The following TCF7L1 variants were observed in gnomAD, a reference collection of about 807,000 sequenced individuals.
The protein encoded by TCF7L1 is transcription factor 7-like 1.
Under a neutral mutation model 63.7 loss-of-function variants are expected in TCF7L1, and 18 were observed. The ratio of observed to expected loss-of-function variants is 0.28; its 90% CI spans 0.20 to 0.42. The LOEUF (loss-of-function observed/expected upper bound fraction) is 0.42, where lower values mean the gene tolerates loss of function less well. TCF7L1 is among the 10% of genes least tolerant of loss of function. The probability of loss-of-function intolerance (pLI) is 1.00; values close to 1 mark genes in which losing one functional copy is unlikely to be tolerated. For missense variants in TCF7L1, 654 were observed against 779.3 expected, an observed-to-expected ratio of 0.84 and a Z score of 1.91; for synonymous variants, 355 against 340.9, an observed-to-expected ratio of 1.04 and a Z score of -0.46.
At chr2:85,296,109 C>A (rs1195768650) in intron 4 of TCF7L1, among the ~76,000 whole-genome samples, 1 of 152,168 alleles carries the variant, frequency 6.6e-6, no homozygotes, top group Non-Finnish European at 1.5e-5. Context: ...CATTATCTTA[C>A]TCACAATATA....
intron 3 of TCF7L1, among the ~76,000 whole-genome samples, chr2:85,168,082 T>A (rs35369436): frequency 0.021 from 3,234 of 152,118 alleles, 57 homozygotes; most frequent in Middle Eastern, 0.037. Context: ...GTTACAGATA[T>A]GAGATGAGTA....
chr2:85,269,748 C>T (rs899526497), intron 3 of TCF7L1, among the ~76,000 whole-genome samples: 29 of 152,150 alleles, frequency 1.9e-4, no homozygotes, highest in African/African-American at 7.0e-4. Flanking sequence ...TTCCACTGTC[C>T]GTCATAACTT....
chr2:85,137,410 A>C (rs1028334006), intron 3 of TCF7L1, among the ~76,000 whole-genome samples: 1 of 152,184 alleles, frequency 6.6e-6, no homozygotes, highest in Non-Finnish European at 1.5e-5. Flanking sequence ...TCCCCTCAGC[A>C]TGGGATGTGG....
At chr2:85,233,394 C>T (rs1014051976) in intron 3 of TCF7L1, among the ~76,000 whole-genome samples, 1 of 150,564 alleles carries the variant, frequency 6.6e-6, no homozygotes, top group African/African-American at 2.4e-5. Context: ...CGGTTCACTG[C>T]AACCTCCGAT....
intron 3 of TCF7L1, among the ~76,000 whole-genome samples, chr2:85,183,211 A>T (rs2104253183): frequency 6.6e-6 from 1 of 152,290 alleles, no homozygotes; most frequent in South Asian, 2.1e-4. Context: ...ATGCATTTCA[A>T]ATGGATGGGC....
intron 3 of TCF7L1, among the ~76,000 whole-genome samples, chr2:85,207,901 T>C (rs1346170177): frequency 1.3e-5 from 2 of 152,124 alleles, no homozygotes; most frequent in Middle Eastern, 6.3e-3. Context: ...TTACGTCTAT[T>C]AAATGCATTT....
intron 3 of TCF7L1, among the ~76,000 whole-genome samples, chr2:85,144,555 T>A (rs1480435964): frequency 2.0e-5 from 3 of 151,798 alleles, no homozygotes; most frequent in South Asian, 4.2e-4. Context: ...TAAGCCAAGA[T>A]TACCCCACTG....
chr2:85,137,568 C>T (rs1044214651), intron 3 of TCF7L1, among the ~76,000 whole-genome samples: 1 of 152,174 alleles, frequency 6.6e-6, no homozygotes, highest in African/African-American at 2.4e-5. Flanking sequence ...TACTAAACTA[C>T]TTTGGGGCTG....
chr2:85,152,211 G>A (rs539416432), intron 3 of TCF7L1, among the ~76,000 whole-genome samples: 1 of 152,228 alleles, frequency 6.6e-6, no homozygotes, highest in East Asian at 1.9e-4. Flanking sequence ...CCAGGAGCTG[G>A]CCATTTCTAG....
At chr2:85,237,794 G>A (rs13001744) in intron 3 of TCF7L1, among the ~76,000 whole-genome samples, 1 of 142,072 alleles carries the variant, frequency 7.0e-6, no homozygotes, top group African/African-American at 2.6e-5. Flanking sequence ...CTGGTGGGGG[G>A]CTGCCAAATC....
intron 3 of TCF7L1, among the ~76,000 whole-genome samples, chr2:85,255,054 A>G (rs1680675927): frequency 1.3e-5 from 2 of 152,184 alleles, no homozygotes; most frequent in Non-Finnish European, 1.5e-5. Context: ...GAAGCAGCAT[A>G]CAGAGAGATC....
chr2:85,152,610 G>C (rs1410753946), intron 3 of TCF7L1, among the ~76,000 whole-genome samples: 1 of 151,208 alleles, frequency 6.6e-6, no homozygotes, highest in Non-Finnish European at 1.5e-5. Flanking sequence ...AATTTTCGTA[G>C]TTTTAGTAGA....
Position 85,306,186 on chromosome 2 carries a change from A to G in TCF7L1, c.990-20A>G. The G allele has an allele frequency of 6.2e-7, 1 of 1,613,956 alleles. No homozygotes were observed. The highest frequency in any genetic ancestry group is 8.5e-7 in the Non-Finnish European group (1 of 1,179,910). On this transcript the variant is annotated intron_variant, in intron 8 of 11. Transcript: ENST00000282111. The surrounding 1 kb of genome is among the most constrained non-coding windows in gnomAD (Gnocchi z 4.3). Reference sequence around the variant, plus strand: ...TGTGTGACACCTGACATGCTAACCTACAACCACGTGCCTTCCCAGGAAATC... The same window carrying G: ...TGTGTGACACCTGACATGCTAACCTGCAACCACGTGCCTTCCCAGGAAATC...
At chr2:85,221,404 G>A (rs1441415793) in intron 3 of TCF7L1, among the ~76,000 whole-genome samples, 2 of 152,150 alleles carry the variant, frequency 1.3e-5, no homozygotes, top group Non-Finnish European at 2.9e-5. Flanking sequence ...ATTTTGTGTT[G>A]CTGTAACAGC....
At position 85,134,714 on chromosome 2, in the gene TCF7L1, T is replaced by C. The variant is rs1449181476; in HGVS notation, c.441+264T>C. On this transcript the variant is annotated intron_variant, in intron 3 of 11. Transcript: ENST00000282111. This position sits in a 1 kb window ranked among gnomAD's most constrained non-coding sequence, Gnocchi z 5.0. ...CTGGGATCTTCCTTGGCCTCCAGAA[T>C]TCTTCGCCTGCACCGAAGGAAACTT... Among the ~76,000 whole-genome samples the C allele has an allele frequency of 6.6e-6, 1 of 152,224 alleles. No individual in the cohort carries two copies. The highest frequency in any genetic ancestry group is 6.5e-5 in the Admixed American group (1 of 15,290).
At chr2:85,154,099 G>A (rs1017357261) in intron 3 of TCF7L1, among the ~76,000 whole-genome samples, 8 of 152,216 alleles carry the variant, frequency 5.3e-5, no homozygotes, top group African/African-American at 1.9e-4. Context: ...CTGTGCTAGA[G>A]TTAGAACATT....
At chr2:85,211,485 T>C (rs977607998) in intron 3 of TCF7L1, among the ~76,000 whole-genome samples, 1 of 152,238 alleles carries the variant, frequency 6.6e-6, no homozygotes, top group Non-Finnish European at 1.5e-5. Context: ...TGGCTCGTAG[T>C]GGGATCTCCA....
intron 3 of TCF7L1, among the ~76,000 whole-genome samples, chr2:85,274,206 G>A (rs903959870): frequency 6.6e-6 from 1 of 152,318 alleles, no homozygotes; most frequent in South Asian, 2.1e-4. Context: ...CACTGCCCAG[G>A]CCCAGCAAAC....
chr2:85,177,206 C>A (rs1264910909), intron 3 of TCF7L1, among the ~76,000 whole-genome samples: 1 of 152,054 alleles, frequency 6.6e-6, no homozygotes, highest in Non-Finnish European at 1.5e-5. Context: ...CTGGCCTCTT[C>A]TTATAAGGGC....
Sources: allele counts gnomAD v4.1 joint callset (sites outside exome capture counted in the v4.1 genomes callset), GRCh38; gene constraint gnomAD v4.1.1; non-coding constraint Gnocchi (gnomAD v3.1); transcripts MANE v1.5; gene names NCBI Gene and HGNC (gene_info 2026-07-23, HGNC 2026-07-21).